Variants in TMEM117 observed in about 807,000 individuals in gnomAD.
The protein encoded by TMEM117 is transmembrane protein 117.
Under a neutral mutation model 52.4 loss-of-function variants are expected in TMEM117, and 27 were observed. That is an observed-to-expected ratio of 0.51 (90% CI 0.38 to 0.71). The LOEUF (loss-of-function observed/expected upper bound fraction) is 0.71. Among genes scored for constraint, TMEM117 ranks in the 30% least tolerant of loss-of-function variants. TMEM117 has a pLI of 0.00. For missense variants in TMEM117, 556 were observed against 630.5 expected, an observed-to-expected ratio of 0.88 and a Z score of 1.26; for synonymous variants, 215 against 206.3, an observed-to-expected ratio of 1.04 and a Z score of -0.36.
the TMEM117 span, among the ~76,000 whole-genome samples, chr12:43,811,410 C>T: frequency 6.6e-6 from 1 of 152,210 alleles, no homozygotes; most frequent in Admixed American, 6.5e-5. Flanking sequence ...GAATCTTCTG[C>T]CTCCTTGTTG....
chr12:43,976,462 C>T (rs1228074548), intron 3 of TMEM117, among the ~76,000 whole-genome samples: 6 of 152,274 alleles, frequency 3.9e-5, no homozygotes, highest in African/African-American at 1.2e-4. Flanking sequence ...AGGCTTGGAG[C>T]AAACACAATT....
At chr12:43,960,136 C>G (rs1010763834) in intron 3 of TMEM117, among the ~76,000 whole-genome samples, 9 of 152,310 alleles carry the variant, frequency 5.9e-5, no homozygotes, top group African/African-American at 2.2e-4. Context: ...TAAACATTGA[C>G]TTGCTTGTAC....
intron 5 of TMEM117, among the ~76,000 whole-genome samples, chr12:44,286,662 C>T (rs974065095): frequency 6.6e-6 from 1 of 151,864 alleles, no homozygotes; most frequent in Admixed American, 6.6e-5. Context: ...TTTATAAAAC[C>T]CAGGAGTTAG....
At chr12:44,280,800 A>G (rs1458281431) in intron 5 of TMEM117, among the ~76,000 whole-genome samples, 1 of 152,106 alleles carries the variant, frequency 6.6e-6, no homozygotes, top group East Asian at 1.9e-4. Flanking sequence ...ACCTGAAGTA[A>G]CATTTTCGGT....
intron 4 of TMEM117, among the ~76,000 whole-genome samples, chr12:44,158,562 T>C (rs1457947491): frequency 6.6e-6 from 1 of 152,196 alleles, no homozygotes; most frequent in Non-Finnish European, 1.5e-5. Flanking sequence ...ATTAGTATTC[T>C]TTTCAGCTGA....
intron 3 of TMEM117, among the ~76,000 whole-genome samples, chr12:44,085,371 A>G (rs1470930601): frequency 2.0e-5 from 3 of 152,224 alleles, no homozygotes; most frequent in African/African-American, 7.2e-5. Flanking sequence ...AGATTAAGAA[A>G]TGTAGATACA....
At chr12:44,385,691 G>T (rs1289977185) in intron 7 of TMEM117, among the ~76,000 whole-genome samples, 1 of 152,154 alleles carries the variant, frequency 6.6e-6, no homozygotes, top group Non-Finnish European at 1.5e-5. Context: ...TTTGTAACAT[G>T]TACAGTTTAC....
chr12:44,066,458 TG>T (rs1330008227), intron 3 of TMEM117, among the ~76,000 whole-genome samples: 1 of 152,208 alleles, frequency 6.6e-6, no homozygotes, highest in Admixed American at 6.5e-5. Flanking sequence ...ATTGCTTGAT[TG>T]GAGGAACCCC....
chr12:44,010,329 C>A, intron 3 of TMEM117: 1 of 440,448 alleles, frequency 2.3e-6, no homozygotes, highest in Admixed American at 2.4e-5. Flanking sequence ...CCTCTGTTGC[C>A]ATGTCTCCCT....
At chr12:44,108,183 T>C (rs964405704) in intron 3 of TMEM117, among the ~76,000 whole-genome samples, 2 of 152,108 alleles carry the variant, frequency 1.3e-5, no homozygotes, top group Non-Finnish European at 2.9e-5. Flanking sequence ...ACTAATCACT[T>C]GTACCAAATT....
chr12:44,192,781 C>G (rs1211769491), intron 4 of TMEM117, among the ~76,000 whole-genome samples: 5 of 152,202 alleles, frequency 3.3e-5, no homozygotes, highest in Admixed American at 2.0e-4. Flanking sequence ...CTCTGCTGTA[C>G]TGTGACACTG....
chr12:43,844,880 C>T lies in TMEM117; in HGVS notation c.229C>T (p.Leu77Phe). The change falls in exon 2 of 8, where the codon CTC (leucine) becomes TTC (phenylalanine). Residue 77 changes from leucine (L) to phenylalanine (F), a missense_variant. Leu to Phe is a conservative substitution (Grantham distance 22). This residue lies in a region of TMEM117 where 328 missense variants were observed against 371.4 expected (regional missense o/e 0.88). Coordinates refer to ENST00000266534, the MANE Select transcript of TMEM117 (RefSeq NM_032256.3). ...LKVLLWLLAI[L>F]TGLIAGKFLF... is the part of the protein sequence containing the mutation. ...GGTGCTTCTATGGCTACTTGCCATT[C>T]TCACAGGACTAATAGCTGGCAAATT... 6.2e-7 allele frequency: 1 copy of T among 1,614,222 alleles called. No homozygotes were observed. Among genetic ancestry groups the T allele is most frequent in the Non-Finnish European group, 8.5e-7 (1 of 1,180,038 alleles).
intron 4 of TMEM117, among the ~76,000 whole-genome samples, chr12:44,183,209 ATATT>A (rs1193590245): frequency 6.6e-6 from 1 of 152,180 alleles, no homozygotes. Context: ...TCTAATGACT[ATATT>A]TAGTAAGGAT....
At chr12:44,336,724 A>G (rs1252485789) in intron 6 of TMEM117, among the ~76,000 whole-genome samples, 1 of 151,838 alleles carries the variant, frequency 6.6e-6, no homozygotes, top group Non-Finnish European at 1.5e-5. Flanking sequence ...TTTTTTTGGA[A>G]AGCTATATAT....
intron 3 of TMEM117, among the ~76,000 whole-genome samples, chr12:44,079,878 C>T (rs562904618): frequency 1.1e-3 from 173 of 151,758 alleles, no homozygotes; most frequent in African/African-American, 3.8e-3. Context: ...ATTAGCTAGG[C>T]GTGGTGGCAG....
At chr12:43,889,085 CTTT>C (rs111561510) in intron 2 of TMEM117, among the ~76,000 whole-genome samples, 4 of 140,616 alleles carry the variant, frequency 2.8e-5, no homozygotes, top group Non-Finnish European at 4.7e-5. Context: ...GCGTTGGATT[CTTT>C]TTTTTTTTTT....
At chr12:44,006,384 A>C (rs979872401) in intron 3 of TMEM117, among the ~76,000 whole-genome samples, 2 of 152,172 alleles carry the variant, frequency 1.3e-5, no homozygotes, top group African/African-American at 4.8e-5. Context: ...GGTAGTGGGT[A>C]CTTAGGAGAG....
At chr12:44,378,192 G>C (rs1951969193) in intron 7 of TMEM117, among the ~76,000 whole-genome samples, 1 of 151,744 alleles carries the variant, frequency 6.6e-6, no homozygotes, top group Non-Finnish European at 1.5e-5. Context: ...CTGACTATAA[G>C]AATGCCTTGT....
At chr12:44,136,336 G>A (rs969743314) in intron 3 of TMEM117, among the ~76,000 whole-genome samples, 7 of 152,096 alleles carry the variant, frequency 4.6e-5, no homozygotes, top group Admixed American at 1.3e-4. Context: ...ACTATTCAGA[G>A]CATCAAATTA....
Sources: allele counts gnomAD v4.1 joint callset (sites outside exome capture counted in the v4.1 genomes callset), GRCh38; gene constraint gnomAD v4.1.1; regional missense constraint gnomAD v4.1.1; transcripts MANE v1.5; gene names NCBI Gene and HGNC (gene_info 2026-07-23, HGNC 2026-07-21).